Variants in EBF3 observed in about 807,000 individuals in gnomAD.
EBF3 encodes EBF transcription factor 3.
EBF3 carries 18 observed loss-of-function variants against 77.1 expected under a neutral mutation model. That is an observed-to-expected ratio of 0.23 (90% CI 0.16 to 0.35). The LOEUF (loss-of-function observed/expected upper bound fraction) is 0.35, where lower values mean the gene tolerates loss of function less well. Ranked by LOEUF, EBF3 falls within the 10% of genes least tolerant of loss-of-function variation. EBF3 has a pLI of 1.00. For missense variants in EBF3, 558 were observed against 860.0 expected, an observed-to-expected ratio of 0.65 and a Z score of 4.39; for synonymous variants, 350 against 343.5, an observed-to-expected ratio of 1.02 and a Z score of -0.21.
chr10:129,917,134 G>A (rs1855932779), intron 6 of EBF3, among the ~76,000 whole-genome samples: 3 of 152,320 alleles, frequency 2.0e-5, no homozygotes, highest in African/African-American at 7.2e-5. Flanking sequence ...TTGGGAGGCC[G>A]AGGCAGGTGG....
At chr10:129,873,716 A>C in intron 7 of EBF3, 120 bp from the exon 8 acceptor site, 1 of 1,127,286 alleles carries the variant, frequency 8.9e-7, no homozygotes, top group Non-Finnish European at 1.2e-6. Flanking sequence ...GTGTTCCTGG[A>C]CACTGTTGAT....
chr10:129,859,658 C>G (rs1377043963), intron 10 of EBF3, among the ~76,000 whole-genome samples: 1 of 152,266 alleles, frequency 6.6e-6, no homozygotes, highest in African/African-American at 2.4e-5. Flanking sequence ...AGACAGGTCT[C>G]AGGACCCTCC....
chr10:129,941,852 G>A (rs1289456420), intron 6 of EBF3, among the ~76,000 whole-genome samples: 1 of 152,018 alleles, frequency 6.6e-6, no homozygotes, highest in Non-Finnish European at 1.5e-5. Context: ...AACTGCCAAG[G>A]GCAGACAGCA....
At chr10:129,877,899 ACT>A in intron 6 of EBF3, 50 bp from the exon 7 acceptor site, 1 of 1,483,332 alleles carries the variant, frequency 6.7e-7, no homozygotes, top group Non-Finnish European at 9.2e-7. Context: ...CAGACAAAAG[ACT>A]CAAACTTTTT....
At chr10:129,927,924 C>T (rs1271417122) in intron 6 of EBF3, among the ~76,000 whole-genome samples, 2 of 152,174 alleles carry the variant, frequency 1.3e-5, no homozygotes, top group Non-Finnish European at 1.5e-5. Flanking sequence ...TCCACCCCAC[C>T]GTCTGCATGT....
intron 6 of EBF3, among the ~76,000 whole-genome samples, chr10:129,925,859 G>A (rs546445461): frequency 2.0e-5 from 3 of 152,226 alleles, no homozygotes; most frequent in Admixed American, 6.5e-5. Context: ...TCTAGTGCAC[G>A]AGAATTCTCA....
At chr10:129,908,673 G>A (rs755972593) in intron 6 of EBF3, among the ~76,000 whole-genome samples, 10 of 152,344 alleles carry the variant, frequency 6.6e-5, no homozygotes, top group Middle Eastern at 6.8e-3. Flanking sequence ...CGTTAGTGGC[G>A]TTGATCGGAT....
In EBF3 at chr10:129,938,067, C is replaced by T. The variant is rs996808375; in HGVS notation, c.554+19191G>A. Among the ~76,000 whole-genome samples, 2 of 152,094 alleles carry T rather than the reference C, an allele frequency of 1.3e-5. No homozygotes were observed. Among genetic ancestry groups the T allele is most frequent in the Non-Finnish European group, 2.9e-5 (2 of 68,036 alleles). On this transcript the variant is annotated intron_variant, in intron 6 of 16. Coordinates refer to ENST00000440978, the MANE Select transcript of EBF3 (RefSeq NM_001375380.1). This position sits in a 1 kb window ranked among gnomAD's most constrained non-coding sequence, Gnocchi z 5.1. The stretch of plus-strand genomic sequence containing the variant: ...TGACATCACATACACAATCATACTC[C>T]ACAACCACGCAAACTGTAAAGAGAC...
In EBF3 at chr10:129,840,338, C is replaced by G; in HGVS notation, c.1666G>C (p.Ala556Pro). 6.3e-7 allele frequency: 1 copy of G among 1,584,340 alleles called. No homozygotes were observed. The highest frequency in any genetic ancestry group is 8.6e-7 in the Non-Finnish European group (1 of 1,164,718). The change falls in exon 15 of 17, where the codon GCA (alanine) becomes CCA (proline). Residue 556 changes from alanine to proline, a missense_variant. Ala to Pro is a conservative substitution (Grantham distance 27). Transcript: ENST00000440978. ...GCGAAGGCGCTCTTCTGTTTCACTG[C>G]GGAGATGACATTGGCAGGTGAGAAT... ...FSFSPANVIS[A>P]VKQKSAFAPV...
chr10:129,864,383 A>C lies in EBF3; in HGVS notation c.1039+2758T>G, dbSNP rs765787413. ...CCTACACATCCGCAACTGTCTCCAAATGCACAGCCCAAGGCCTTTCTCTGC... is the reference window on the plus strand; with the variant it reads ...CCTACACATCCGCAACTGTCTCCAACTGCACAGCCCAAGGCCTTTCTCTGC... On this transcript the variant is annotated intron_variant, in intron 10 of 16. Coordinates refer to ENST00000440978, the MANE Select transcript of EBF3 (RefSeq NM_001375380.1). This position sits in a 1 kb window ranked among gnomAD's most constrained non-coding sequence, Gnocchi z 4.4. 6.6e-6 allele frequency among the ~76,000 whole-genome samples: 1 copy of C among 152,174 alleles called. No individual in the cohort carries two copies. Among genetic ancestry groups the C allele is most frequent in the Non-Finnish European group, 1.5e-5 (1 of 68,014 alleles).
At chr10:129,896,166 G>C (rs991222719) in intron 6 of EBF3, among the ~76,000 whole-genome samples, 14 of 152,094 alleles carry the variant, frequency 9.2e-5, no homozygotes, top group African/African-American at 3.4e-4. Context: ...TGCAGGGTGG[G>C]GGGAAGGGGC....
At position 129,837,926 on chromosome 10, in the gene EBF3, C is replaced by T. The variant is rs770689277; in HGVS notation, c.*17G>A. 1.5e-5 allele frequency: 24 copies of T among 1,613,992 alleles called. No homozygotes were observed. The highest frequency in any genetic ancestry group is 1.8e-5 in the Non-Finnish European group (21 of 1,180,034). ...GGTGCTGCGGAAGGTAAACAGAAGT[C>T]CCTCACATTGGCGGGACTACCAGCC... On this transcript the variant is annotated 3_prime_UTR_variant, in exon 17 of 17. Coordinates refer to ENST00000440978, the MANE Select transcript of EBF3 (RefSeq NM_001375380.1).
At chr10:129,906,043 C>A (rs1855120514) in intron 6 of EBF3, among the ~76,000 whole-genome samples, 1 of 152,184 alleles carries the variant, frequency 6.6e-6, no homozygotes, top group African/African-American at 2.4e-5. Flanking sequence ...AGAATCTAAG[C>A]AATTTGCTGG....
At chr10:129,896,467 C>T (rs1854385056) in intron 6 of EBF3, among the ~76,000 whole-genome samples, 1 of 152,252 alleles carries the variant, frequency 6.6e-6, no homozygotes, top group South Asian at 2.1e-4. Flanking sequence ...CCCGCCATTC[C>T]TGGCCCCTCC....
At position 129,837,030 on chromosome 10, in the gene EBF3, A is replaced by G. The variant is rs962063539; in HGVS notation, c.*913T>C. ...GCTACAACTTTGGCAAAATCACAAAAGTCTACAATTTTATAACCACATACA... is the reference window on the plus strand; with the variant it reads ...GCTACAACTTTGGCAAAATCACAAAGGTCTACAATTTTATAACCACATACA... On this transcript the variant is annotated 3_prime_UTR_variant, in exon 17 of 17. Coordinates refer to ENST00000440978, the MANE Select transcript of EBF3 (RefSeq NM_001375380.1). 14 of 152,674 alleles carry G rather than the reference A, an allele frequency of 9.2e-5. No homozygotes were observed. Among genetic ancestry groups the G allele is most frequent in the Admixed American group, 9.2e-4 (14 of 15,284 alleles). The allele number at this position is 152,674 out of a possible 1,614,324, so 9.5% of individuals were successfully genotyped here. A position where few individuals can be genotyped will look rare whatever the true frequency, so the allele number is the denominator to read the frequency against.
At chr10:129,860,560 G>A (rs1005851884) in intron 10 of EBF3, among the ~76,000 whole-genome samples, 13 of 152,286 alleles carry the variant, frequency 8.5e-5, no homozygotes, top group African/African-American at 2.9e-4. Context: ...GCAGCCAATC[G>A]GGGTGCAGGG....
In EBF3 at chr10:129,955,614, TAA is replaced by T. The variant is rs200893289; in HGVS notation, c.554+1642_554+1643del. 1.2e-4 allele frequency among the ~76,000 whole-genome samples: 19 copies of T among 152,332 alleles called. No homozygotes were observed. In the East Asian group the frequency reaches 3.5e-3, roughly 28 times the overall value. On this transcript the variant is annotated intron_variant, in intron 6 of 16. Transcript: ENST00000440978. ...CCACCATATGATGAACACTGAGTAT[TAA>T]AAGTTATTCAGCATCAATAGTCAAT...
intron 4 of EBF3, 126 bp from the exon 5 acceptor site, chr10:129,959,133 C>A (rs753166437): frequency 8.7e-7 from 1 of 1,152,330 alleles, no homozygotes; most frequent in Non-Finnish European, 1.2e-6. Flanking sequence ...GATGCGCCCC[C>A]CTCCCTCGGC....
chr10:129,921,211 G>A (rs1000697142), intron 6 of EBF3, among the ~76,000 whole-genome samples: 3 of 120,502 alleles, frequency 2.5e-5, no homozygotes, highest in African/African-American at 9.0e-5. Context: ...CAGTGGGCAA[G>A]GGGTCCCTGA....
Sources: allele counts gnomAD v4.1 joint callset (sites outside exome capture counted in the v4.1 genomes callset), GRCh38; gene constraint gnomAD v4.1.1; non-coding constraint Gnocchi (gnomAD v3.1); transcripts MANE v1.5; gene names NCBI Gene and HGNC (gene_info 2026-07-23, HGNC 2026-07-21).